BBX: variants seen among roughly 807,000 people sequenced by gnomAD.
The protein encoded by BBX is BBX high mobility group box domain containing, also known as HMG box transcription factor BBX.
In BBX, 30 loss-of-function variants were observed where a neutral mutation model predicts 100.2. The ratio of observed to expected loss-of-function variants is 0.30; its 90% CI spans 0.22 to 0.41. The LOEUF (loss-of-function observed/expected upper bound fraction) is 0.41, where lower values mean the gene tolerates loss of function less well. Ranked by LOEUF, BBX falls within the 10% of genes least tolerant of loss-of-function variation. The pLI, the probability that BBX is intolerant of heterozygous loss-of-function variation, is 1.00. For synonymous variants in BBX, 376 were observed against 388.1 expected, an observed-to-expected ratio of 0.97 and a Z score of 0.37; for missense variants, 1,023 against 1,129.8, an observed-to-expected ratio of 0.91 and a Z score of 1.35.
At chr3:107,673,784 A>G (rs2059142675) in intron 3 of BBX, among the ~76,000 whole-genome samples, 1 of 152,164 alleles carries the variant, frequency 6.6e-6, no homozygotes, top group Non-Finnish European at 1.5e-5. Context: ...TACTACATGT[A>G]GAACTATTTT....
At chr3:107,641,915 CTTTA>C (rs2057236221) in intron 2 of BBX, 1 of 152,054 alleles carries the variant, frequency 6.6e-6, no homozygotes, top group Admixed American at 6.6e-5. Flanking sequence ...TTGCCACTTT[CTTTA>C]TTTTATATGT....
At chr3:107,581,653 A>G (rs143710790) in intron 2 of BBX, among the ~76,000 whole-genome samples, 1,562 of 152,208 alleles carry the variant, frequency 0.01, 32 homozygotes, top group African/African-American at 0.036. Context: ...GTTTTTATAC[A>G]CTGCTTCATA....
intron 3 of BBX, among the ~76,000 whole-genome samples, chr3:107,690,892 C>CTTTTTT: frequency 2.2e-4 from 9 of 41,194 alleles, no homozygotes; most frequent in African/African-American, 3.2e-4. Context: ...GCCCCCCCCC[C>CTTTTTT]TTTTTTTTTT....
At chr3:107,538,544 C>T (rs983932727) in intron 2 of BBX, among the ~76,000 whole-genome samples, 9 of 151,856 alleles carry the variant, frequency 5.9e-5, no homozygotes, top group East Asian at 1.9e-4. Flanking sequence ...GATATTTTTC[C>T]GAAAAGTTTT....
At chr3:107,526,467 T>C (rs1223407343) in intron 2 of BBX, 69 bp downstream of exon 2, 6 of 397,806 alleles carry the variant, frequency 1.5e-5, no homozygotes, top group Admixed American at 8.8e-5. Flanking sequence ...GTCTTTATTG[T>C]TCACAGAGGA....
intron 2 of BBX, among the ~76,000 whole-genome samples, chr3:107,534,694 T>C (rs1289429716): frequency 6.6e-6 from 1 of 152,234 alleles, no homozygotes; most frequent in Admixed American, 6.5e-5. Context: ...TGTTGATAAA[T>C]GAGCTTGAGA....
chr3:107,656,176 A>T (rs1002669617), intron 3 of BBX, among the ~76,000 whole-genome samples: 2 of 119,592 alleles, frequency 1.7e-5, no homozygotes, highest in African/African-American at 5.1e-5. Context: ...GTCCAAGAGA[A>T]AAAAATATTT....
intron 2 of BBX, among the ~76,000 whole-genome samples, chr3:107,574,526 A>T (rs529765951): frequency 1.3e-5 from 2 of 152,328 alleles, no homozygotes; most frequent in South Asian, 2.1e-4. Flanking sequence ...TACTCTCAAC[A>T]TGTAGCTCAG....
At chr3:107,587,985 C>G (rs1432454994) in intron 2 of BBX, among the ~76,000 whole-genome samples, 1 of 152,178 alleles carries the variant, frequency 6.6e-6, no homozygotes, top group Non-Finnish European at 1.5e-5. Flanking sequence ...CAGCCAAAAA[C>G]TAGTACAAGA....
chr3:107,589,757 A>C (rs1228645530), intron 2 of BBX, among the ~76,000 whole-genome samples: 1 of 152,156 alleles, frequency 6.6e-6, no homozygotes, highest in East Asian at 1.9e-4. Context: ...ATAAGTCAGA[A>C]TTTCTCCATG....
intron 2 of BBX, among the ~76,000 whole-genome samples, chr3:107,550,726 G>C (rs2049597389): frequency 6.6e-6 from 1 of 152,154 alleles, no homozygotes; most frequent in African/African-American, 2.4e-5. Flanking sequence ...TCTAAAGCAG[G>C]CTTGGTAGCC....
chr3:107,585,988 G>A (rs969312004), intron 2 of BBX, among the ~76,000 whole-genome samples: 3 of 152,062 alleles, frequency 2.0e-5, no homozygotes, highest in East Asian at 3.8e-4. Context: ...GTGAAAGAAC[G>A]ATACAAAATT....
chr3:107,724,662 G>T (rs1215181889), intron 5 of BBX, among the ~76,000 whole-genome samples: 1 of 152,090 alleles, frequency 6.6e-6, no homozygotes, highest in Non-Finnish European at 1.5e-5. Context: ...TGTTAAATAG[G>T]GAATCCTTTC....
intron 3 of BBX, among the ~76,000 whole-genome samples, chr3:107,658,491 A>G (rs1197076109): frequency 6.6e-6 from 1 of 152,170 alleles, no homozygotes; most frequent in East Asian, 1.9e-4. Flanking sequence ...ACTTAGTGAA[A>G]CTTAAAATAA....
intron 7 of BBX, among the ~76,000 whole-genome samples, chr3:107,741,955 T>C (rs2064145850): frequency 6.6e-6 from 1 of 152,198 alleles, no homozygotes; most frequent in South Asian, 2.1e-4. Context: ...AAGTACTCAA[T>C]AATGAATTCT....
chr3:107,592,845 A>G (rs927255850), intron 2 of BBX, among the ~76,000 whole-genome samples: 16 of 152,212 alleles, frequency 1.1e-4, no homozygotes, highest in Non-Finnish European at 1.8e-4. Flanking sequence ...TAAGTTGTAC[A>G]GCTTATCTTA....
chr3:107,701,619 T>C (rs548328558), intron 3 of BBX, among the ~76,000 whole-genome samples: 164 of 152,340 alleles, frequency 1.1e-3, no homozygotes, highest in African/African-American at 3.8e-3. Flanking sequence ...GCTCACCAAG[T>C]GCTCAGTAAA....
At chr3:107,771,302 A>G (rs1029873394) in intron 10 of BBX, among the ~76,000 whole-genome samples, 2 of 152,152 alleles carry the variant, frequency 1.3e-5, no homozygotes, top group African/African-American at 2.4e-5. Context: ...ATAAGCTTAA[A>G]TTTCCCATTT....
At chr3:107,804,903 A>G (rs2070930061) in intron 17 of BBX, among the ~76,000 whole-genome samples, 1 of 151,698 alleles carries the variant, frequency 6.6e-6, no homozygotes, top group Non-Finnish European at 1.5e-5. Context: ...GTTACCAATT[A>G]CTATAGGAGA....
Sources: gnomAD v4.1 joint callset for allele counts (sites outside exome capture counted in the v4.1 genomes callset) on GRCh38, gnomAD v4.1.1 for gene constraint, MANE v1.5 for transcripts, NCBI Gene and HGNC (gene_info 2026-07-23, HGNC 2026-07-21) for gene names.